Variants in LUC7L observed in about 807,000 individuals in gnomAD.
LUC7L encodes the protein LUC7 like, also known as putative RNA-binding protein Luc7-like 1.
LUC7L carries 29 observed loss-of-function variants against 51.1 expected under a neutral mutation model. That is an observed-to-expected ratio of 0.57 (90% CI 0.42 to 0.77). The LOEUF is 0.77. LUC7L is among the 30% of genes least tolerant of loss of function. The pLI is 0.00. For missense variants in LUC7L, 403 were observed against 511.9 expected (o/e 0.79, Z 2.05); for synonymous variants, 181 against 180.7 (o/e 1.00, Z -0.01).
At chr16:214,925 G>A (rs2049745959) in intron 3 of LUC7L, among the ~76,000 whole-genome samples, 1 of 152,104 alleles carries the variant, frequency 6.6e-6, no homozygotes, top group Non-Finnish European at 1.5e-5. Context: ...ATACTTTTAG[G>A]CCAGGCATGG....
At chr16:189,610 T>C (rs2048955285) in intron 9 of LUC7L, 1 of 1,335,312 alleles carries the variant, frequency 7.5e-7, no homozygotes. Flanking sequence ...GCACAGAACA[T>C]GACACTACGT....
chr16:225,247 G>T (rs2050097373), intron 2 of LUC7L, among the ~76,000 whole-genome samples: 1 of 151,986 alleles, frequency 6.6e-6, no homozygotes, highest in African/African-American at 2.4e-5. Context: ...CAGCACTTTG[G>T]GAGGCCAAGG....
chr16:193,834 C>T (rs890722079), intron 6 of LUC7L, among the ~76,000 whole-genome samples: 3 of 146,766 alleles, frequency 2.0e-5, no homozygotes, highest in East Asian at 2.0e-4. Flanking sequence ...GACGGAGTCT[C>T]GCTCTGTCAC....
In LUC7L at chr16:199,331, G is replaced by A. The variant is rs1271898627; in HGVS notation, c.511-93C>T. The A allele has an allele frequency of 1.0e-5, 8 of 799,256 alleles. No individual in the cohort carries two copies. The Admixed American group carries it at 1.8e-4, about 18-fold the overall frequency. The allele number at this position is 799,256 out of a possible 1,614,324, so 49.5% of individuals were successfully genotyped here. On this transcript the variant is annotated intron_variant, in intron 5 of 9. Transcript: ENST00000293872. ...AATGAAAATATTTGATAAGATGACA[G>A]AGGTGACTTTTAAACAAATATTAAA...
chr16:212,355 A>T (rs1174492894), intron 3 of LUC7L, among the ~76,000 whole-genome samples: 1 of 152,176 alleles, frequency 6.6e-6, no homozygotes, highest in Non-Finnish European at 1.5e-5. Context: ...AAAGTGAAGC[A>T]CAGCTACCAA....
At chr16:221,186 A>AT (rs372906826) in intron 2 of LUC7L, among the ~76,000 whole-genome samples, 4,525 of 100,822 alleles carry the variant, frequency 0.045, 325 homozygotes, top group East Asian at 0.072. Context: ...CACCCAGCTA[A>AT]TTTTTTTTTT....
intron 2 of LUC7L, among the ~76,000 whole-genome samples, chr16:225,576 T>G (rs1179798060): frequency 2.8e-5 from 4 of 141,996 alleles, no homozygotes; most frequent in Non-Finnish European, 4.5e-5. Flanking sequence ...AACCTCTGCC[T>G]CGCGGGTTCA....
At chr16:227,424 T>A in intron 1 of LUC7L, 88 bp from the exon 2 acceptor site, 1 of 1,521,988 alleles carries the variant, frequency 6.6e-7, no homozygotes. Flanking sequence ...CTGGATGATT[T>A]GCAGACTATC....
intron 2 of LUC7L, among the ~76,000 whole-genome samples, chr16:225,636 G>A (rs1303461627): frequency 1.0e-4 from 15 of 150,644 alleles, no homozygotes; most frequent in Non-Finnish European, 1.8e-4. Flanking sequence ...ACAGGCATGC[G>A]CCACCACACC....
chr16:204,641 C>T (rs896654284), intron 5 of LUC7L, among the ~76,000 whole-genome samples: 5 of 151,474 alleles, frequency 3.3e-5, no homozygotes, highest in Admixed American at 6.6e-5. Flanking sequence ...AAATAAAATA[C>T]ATTTATAGTA....
At chr16:225,550 G>C (rs1280684430) in intron 2 of LUC7L, among the ~76,000 whole-genome samples, 3 of 136,112 alleles carry the variant, frequency 2.2e-5, no homozygotes, top group African/African-American at 8.3e-5. Context: ...GCAATGGCTC[G>C]ATCTCGGCTC....
chr16:224,189 T>C (rs953321908), intron 2 of LUC7L, among the ~76,000 whole-genome samples: 4 of 152,040 alleles, frequency 2.6e-5, no homozygotes, highest in African/African-American at 9.7e-5. Flanking sequence ...ATTTCCATTA[T>C]AAAAAACTCA....
rs142347982 is a variant in LUC7L, at chr16:226,401, T to C, written c.156+841A>G. On this transcript the variant is annotated intron_variant, in intron 2 of 9. Coordinates refer to ENST00000293872, the MANE Select transcript of LUC7L (RefSeq NM_201412.3). The stretch of plus-strand genomic sequence containing the variant: ...CTCTCAGTGGCGTAATCACCACAGA[T>C]AACCTTCCACTATTCAGTCTTTTCA... Among the ~76,000 whole-genome samples the C allele has an allele frequency of 2.0e-5, 3 of 152,316 alleles. No homozygotes were observed. In the East Asian group the frequency reaches 5.8e-4, roughly 29 times the overall value.
intron 5 of LUC7L, among the ~76,000 whole-genome samples, chr16:201,951 C>T (rs1452956055): frequency 6.6e-6 from 1 of 151,938 alleles, no homozygotes; most frequent in Non-Finnish European, 1.5e-5. Context: ...ACCAAGTTGG[C>T]CAGGCTGGTC....
Position 192,326 on chromosome 16 carries a change from G to C in LUC7L, c.776+601C>G, listed in dbSNP as rs2049030584. Among the ~76,000 whole-genome samples, 3 of 152,118 alleles carry C rather than the reference G, an allele frequency of 2.0e-5. No individual in the cohort carries two copies. In the East Asian group the frequency reaches 5.8e-4, roughly 29 times the overall value. On this transcript the variant is annotated intron_variant, in intron 7 of 9. Coordinates refer to ENST00000293872, the MANE Select transcript of LUC7L (RefSeq NM_201412.3). Reference sequence around the variant, plus strand: ...CCAGCACGCTTGCCAAAGGGGAGCAGGCACCACCCCTCCTGCGTAAACAGG... The same window carrying C: ...CCAGCACGCTTGCCAAAGGGGAGCACGCACCACCCCTCCTGCGTAAACAGG...
chr16:219,009 C>CTA (rs1365615699), intron 3 of LUC7L, among the ~76,000 whole-genome samples: 1 of 149,584 alleles, frequency 6.7e-6, no homozygotes, highest in African/African-American at 2.5e-5. Context: ...CGAGGCAGGG[C>CTA]TATCACTGAG....
intron 3 of LUC7L, among the ~76,000 whole-genome samples, chr16:211,209 C>G (rs991487198): frequency 1.3e-5 from 2 of 152,200 alleles, no homozygotes; most frequent in Non-Finnish European, 2.9e-5. Context: ...GCGGGCACCA[C>G]TGGTTGCTAT....
chr16:192,501 AC>A (rs1489275670), intron 7 of LUC7L, among the ~76,000 whole-genome samples: 3 of 101,930 alleles, frequency 2.9e-5, no homozygotes, highest in Non-Finnish European at 4.5e-5. Context: ...TATGCTGTTT[AC>A]TTTTTTTTTT....
chr16:195,814 A>C (rs2049133687), intron 6 of LUC7L, among the ~76,000 whole-genome samples: 1 of 152,148 alleles, frequency 6.6e-6, no homozygotes, highest in Non-Finnish European at 1.5e-5. Context: ...AGGAAGGTGG[A>C]TACCTCTGGG....
Sources: gnomAD v4.1 joint callset for allele counts (sites outside exome capture counted in the v4.1 genomes callset) on GRCh38, gnomAD v4.1.1 for gene constraint, MANE v1.5 for transcripts, NCBI Gene and HGNC (gene_info 2026-07-23, HGNC 2026-07-21) for gene names.